Variants in ARHGAP26 observed in about 807,000 individuals in gnomAD.
The protein encoded by ARHGAP26 is rho GTPase-activating protein 26.
In ARHGAP26, 38 loss-of-function variants were observed where a neutral mutation model predicts 104.8. The ratio of observed to expected loss-of-function variants is 0.36; its 90% CI spans 0.28 to 0.48. The LOEUF (loss-of-function observed/expected upper bound fraction) is 0.48. Among genes scored for constraint, ARHGAP26 ranks in the 20% least tolerant of loss-of-function variants. ARHGAP26 has a pLI of 0.99. For missense variants in ARHGAP26, 704 were observed against 947.9 expected (o/e 0.74, Z 3.38); for synonymous variants, 341 against 340.0 (o/e 1.00, Z -0.03).
At chr5:142,886,009 G>T (rs530127191) in intron 5 of ARHGAP26, among the ~76,000 whole-genome samples, 1 of 152,120 alleles carries the variant, frequency 6.6e-6, no homozygotes, top group Non-Finnish European at 1.5e-5. Context: ...AGTTCACTTG[G>T]AAAGAAAAAT....
At chr5:143,084,739 A>G (rs1790306052) in intron 17 of ARHGAP26, among the ~76,000 whole-genome samples, 1 of 152,108 alleles carries the variant, frequency 6.6e-6, no homozygotes, top group African/African-American at 2.4e-5. Context: ...GCTTATGCCA[A>G]CATCTCCGTT....
rs954393998 is a variant in ARHGAP26, at chr5:142,770,383, C to G, written c.-379C>G. ...TAGCAGGTTCGAGCGGCCCAGACACCGGCGGGGCGGCCGAGGCTGCTGTGA... is the reference window on the plus strand; with the variant it reads ...TAGCAGGTTCGAGCGGCCCAGACACGGGCGGGGCGGCCGAGGCTGCTGTGA... On this transcript the variant is annotated 5_prime_UTR_variant, in exon 1 of 23. Transcript: ENST00000645722. 3 of 188,728 alleles carry G rather than the reference C, an allele frequency of 1.6e-5. No homozygotes were observed. The highest frequency in any genetic ancestry group is 4.7e-5 in the African/African-American group (2 of 42,758). 11.7% of individuals were successfully genotyped at this position (188,728 alleles called of 1,614,324 possible).
chr5:142,838,732 G>T (rs1342307258), intron 1 of ARHGAP26, among the ~76,000 whole-genome samples: 1 of 152,248 alleles, frequency 6.6e-6, no homozygotes, highest in Non-Finnish European at 1.5e-5. Flanking sequence ...TGAGGCACTT[G>T]TGTCTAGTAG....
chr5:143,203,850 CT>C (rs1808152478), intron 20 of ARHGAP26: 1 of 151,982 alleles, frequency 6.6e-6, no homozygotes, highest in East Asian at 1.9e-4. Flanking sequence ...CATGTTCTCA[CT>C]CATAAGTGGG....
intron 17 of ARHGAP26, among the ~76,000 whole-genome samples, chr5:143,084,837 G>T (rs1025202635): frequency 2.0e-5 from 3 of 152,088 alleles, no homozygotes; most frequent in Non-Finnish European, 4.4e-5. Flanking sequence ...ACGTGGTCAG[G>T]AGATGGAGAC....
intron 20 of ARHGAP26, among the ~76,000 whole-genome samples, chr5:143,178,409 T>C (rs533733816): frequency 6.6e-6 from 1 of 152,334 alleles, no homozygotes; most frequent in East Asian, 1.9e-4. Flanking sequence ...ATTGTGTTCA[T>C]TGTATGAGGG....
At chr5:142,993,324 C>A (rs10052788) in intron 11 of ARHGAP26, among the ~76,000 whole-genome samples, 1 of 151,930 alleles carries the variant, frequency 6.6e-6, no homozygotes, top group Non-Finnish European at 1.5e-5. Context: ...CGCCCGCCAC[C>A]GCGCCCGGCT....
intron 17 of ARHGAP26, among the ~76,000 whole-genome samples, chr5:143,118,450 T>G (rs1435979893): frequency 6.6e-6 from 1 of 152,080 alleles, no homozygotes; most frequent in Non-Finnish European, 1.5e-5. Flanking sequence ...GTATGCTGTT[T>G]TATAAGAGTT....
intron 12 of ARHGAP26, among the ~76,000 whole-genome samples, chr5:143,031,865 G>A (rs246636): frequency 0.27 from 40,440 of 151,914 alleles, 9,976 homozygotes; most frequent in African/African-American, 0.65. Flanking sequence ...TCATTTGATT[G>A]TACCTTAGAG....
At chr5:143,057,216 T>A (rs1396966739) in intron 16 of ARHGAP26, among the ~76,000 whole-genome samples, 1 of 152,152 alleles carries the variant, frequency 6.6e-6, no homozygotes, top group African/African-American at 2.4e-5. Context: ...TGTCTCAAGG[T>A]GTTATTTTGA....
intron 11 of ARHGAP26, among the ~76,000 whole-genome samples, chr5:142,949,920 A>AAAACTATTG (rs1768043221): frequency 6.6e-6 from 1 of 152,238 alleles, no homozygotes. Context: ...CCAATAAATG[A>AAAACTATTG]AAACTATTGA....
chr5:143,121,035 G>A lies in ARHGAP26; in HGVS notation c.1586G>A (p.Gly529Asp). The change falls in exon 18 of 23, where the codon GGT becomes GAT. Residue 529 changes from glycine (G) to aspartate (D), a missense_variant. By Grantham distance (94) the Gly-to-Asp change is moderately conservative. This residue lies in a region of ARHGAP26 where 287 missense variants were observed against 438.8 expected (regional missense o/e 0.65). Coordinates refer to ENST00000645722, the MANE Select transcript of ARHGAP26 (RefSeq NM_001135608.3). Reference protein sequence around the residue: ...KQNLMTVANLGVVFGPTLLRP... With the variant: ...KQNLMTVANLDVVFGPTLLRP... ...AATTTGATGACGGTGGCAAACCTTG[G>A]TGTGGTGTTTGGACCCACTCTGCTG... is the stretch of plus-strand genomic sequence containing the variant. 6.2e-7 allele frequency: 1 copy of A among 1,613,596 alleles called. No individual in the cohort carries two copies. Among genetic ancestry groups the A allele is most frequent in the Non-Finnish European group, 8.5e-7 (1 of 1,179,682 alleles).
intron 1 of ARHGAP26, 74 bp from the exon 2 acceptor site, chr5:142,873,326 C>T: frequency 9.2e-7 from 1 of 1,083,212 alleles, no homozygotes; most frequent in Non-Finnish European, 1.4e-6. Context: ...CCTAGAAGGA[C>T]CAATAAGGGC....
chr5:142,992,276 CA>C (rs1775722018), intron 11 of ARHGAP26, among the ~76,000 whole-genome samples: 1 of 151,982 alleles, frequency 6.6e-6, no homozygotes, highest in Non-Finnish European at 1.5e-5. Flanking sequence ...GTTTTGGCAT[CA>C]AGATGTAAGG....
intron 10 of ARHGAP26, among the ~76,000 whole-genome samples, chr5:142,925,032 G>C (rs1763714749): frequency 1.3e-5 from 2 of 152,210 alleles, no homozygotes; most frequent in African/African-American, 4.8e-5. Flanking sequence ...TTGCAAACTG[G>C]TGGTCCACAG....
intron 1 of ARHGAP26, among the ~76,000 whole-genome samples, chr5:142,789,167 A>G (rs1280028820): frequency 2.6e-5 from 4 of 152,206 alleles, no homozygotes; most frequent in Non-Finnish European, 5.9e-5. Flanking sequence ...GGAAGAGTTA[A>G]ATGGGGTAGC....
At chr5:143,017,662 CATT>C (rs1177398163) in intron 12 of ARHGAP26, among the ~76,000 whole-genome samples, 1 of 152,300 alleles carries the variant, frequency 6.6e-6, no homozygotes, top group East Asian at 1.9e-4. Context: ...GTGCCCTCAT[CATT>C]GTGTCAGGAG....
intron 12 of ARHGAP26, among the ~76,000 whole-genome samples, chr5:143,026,973 G>T (rs1350637138): frequency 6.6e-6 from 1 of 152,120 alleles, no homozygotes; most frequent in Admixed American, 6.5e-5. Context: ...TAATGGATTG[G>T]ATGTGGTGTG....
chr5:143,009,061 A>G (rs936276542), intron 11 of ARHGAP26, among the ~76,000 whole-genome samples: 8 of 152,122 alleles, frequency 5.3e-5, no homozygotes, highest in Non-Finnish European at 1.2e-4. Context: ...ATTTGTATCA[A>G]AGAGCTACTC....
Sources: gnomAD v4.1 joint callset for allele counts (sites outside exome capture counted in the v4.1 genomes callset) on GRCh38, gnomAD v4.1.1 for gene constraint, gnomAD v4.1.1 regional missense constraint, MANE v1.5 for transcripts, NCBI Gene and HGNC (gene_info 2026-07-23, HGNC 2026-07-21) for gene names.